The following CDH9 variants were observed in gnomAD, a reference collection of about 807,000 sequenced individuals.
The protein encoded by CDH9 is cadherin-9.
CDH9 carries 28 observed loss-of-function variants against 70.9 expected under a neutral mutation model. The ratio of observed to expected loss-of-function variants is 0.40; its 90% CI spans 0.29 to 0.54. The LOEUF is 0.54. Ranked by LOEUF, CDH9 falls within the 20% of genes least tolerant of loss-of-function variation. CDH9 has a pLI of 0.59. For synonymous variants in CDH9, 409 were observed against 343.1 expected (o/e 1.19, Z -2.12); for missense variants, 874 against 984.4 (o/e 0.89, Z 1.50).
chr5:27,015,451 G>T (rs1053996526), intron 1 of CDH9, among the ~76,000 whole-genome samples: 2 of 151,532 alleles, frequency 1.3e-5, no homozygotes, highest in Non-Finnish European at 3.0e-5. Flanking sequence ...CAAAATACGG[G>T]CAGTTTACTT....
chr5:26,934,822 TA>T (rs33942784), intron 2 of CDH9, among the ~76,000 whole-genome samples: 3,692 of 152,078 alleles, frequency 0.024, 140 homozygotes, highest in African/African-American at 0.086. Context: ...ATCCAACATT[TA>T]AGAAAGAATT....
intron 2 of CDH9, among the ~76,000 whole-genome samples, chr5:26,954,388 C>CTTTTTTTTTTTTTT (rs59882843): frequency 0.023 from 2,146 of 92,744 alleles, 92 homozygotes; most frequent in East Asian, 0.057. Flanking sequence ...TACAGCCTTT[C>CTTTTTTTTTTTTTT]TTTTTTTTTT....
At chr5:26,916,226 A>C (rs1201077771) in intron 2 of CDH9, among the ~76,000 whole-genome samples, 2 of 152,066 alleles carry the variant, frequency 1.3e-5, no homozygotes, top group Admixed American at 1.3e-4. Context: ...CCTCCAGTGC[A>C]TTACAAAAAA....
chr5:26,928,036 T>C (rs1257824613), intron 2 of CDH9, among the ~76,000 whole-genome samples: 1 of 152,080 alleles, frequency 6.6e-6, no homozygotes, highest in Non-Finnish European at 1.5e-5. Flanking sequence ...TTTTTCACTT[T>C]CTGTAACTTA....
chr5:26,889,661 T>A (rs73748527), intron 9 of CDH9, among the ~76,000 whole-genome samples, 175 bp downstream of exon 9: 1,769 of 139,528 alleles, frequency 0.013, 31 homozygotes, highest in African/African-American at 0.042. Flanking sequence ...TATAAAAACA[T>A]TTTTAAATCA....
chr5:26,883,076 T>A (rs866625911), intron 11 of CDH9, among the ~76,000 whole-genome samples: 2 of 128,384 alleles, frequency 1.6e-5, no homozygotes, highest in Non-Finnish European at 1.7e-5. Flanking sequence ...TATATATATA[T>A]ATATATATAT....
intron 2 of CDH9, among the ~76,000 whole-genome samples, chr5:26,918,353 C>G (rs1265646558): frequency 6.6e-6 from 1 of 152,174 alleles, no homozygotes; most frequent in Non-Finnish European, 1.5e-5. Flanking sequence ...TCTTGACTTA[C>G]ATAGCACACT....
intron 1 of CDH9, among the ~76,000 whole-genome samples, chr5:27,011,763 T>C (rs1257663528): frequency 2.0e-5 from 3 of 152,066 alleles, no homozygotes; most frequent in East Asian, 3.9e-4. Flanking sequence ...TTAATATGAA[T>C]AGTTTTTAAG....
At chr5:26,973,267 C>G (rs1340444843) in intron 2 of CDH9, among the ~76,000 whole-genome samples, 1 of 151,952 alleles carries the variant, frequency 6.6e-6, no homozygotes, top group Admixed American at 6.6e-5. Flanking sequence ...TGAATGTGCT[C>G]TCTATACCAG....
chr5:26,895,158 G>A (rs1290349624), intron 7 of CDH9, among the ~76,000 whole-genome samples: 1 of 151,848 alleles, frequency 6.6e-6, no homozygotes, highest in African/African-American at 2.4e-5. Context: ...ATTTAGGTAG[G>A]ACATAATTTG....
intron 1 of CDH9, among the ~76,000 whole-genome samples, chr5:27,011,474 G>C (rs1742953123): frequency 6.6e-6 from 1 of 152,110 alleles, no homozygotes; most frequent in South Asian, 2.1e-4. Flanking sequence ...CCGGAAGCTA[G>C]AAAAGACAAA....
chr5:27,005,320 TGAC>T (rs1416426595), intron 1 of CDH9, among the ~76,000 whole-genome samples: 1 of 151,972 alleles, frequency 6.6e-6, no homozygotes, highest in Non-Finnish European at 1.5e-5. Context: ...AAAGATTTCA[TGAC>T]AAGGGCACCA....
intron 1 of CDH9, among the ~76,000 whole-genome samples, chr5:27,020,554 T>A (rs1414363223): frequency 1.3e-5 from 2 of 151,696 alleles, no homozygotes; most frequent in Non-Finnish European, 3.0e-5. Context: ...TATTATAAGG[T>A]AAGATATATG....
intron 3 of CDH9, among the ~76,000 whole-genome samples, chr5:26,909,197 G>C (rs1265858578): frequency 6.6e-6 from 1 of 152,010 alleles, no homozygotes; most frequent in Non-Finnish European, 1.5e-5. Flanking sequence ...TGTTAGCCAG[G>C]ATGGTCTCGA....
At chr5:26,999,168 C>T (rs1426357575) in intron 1 of CDH9, among the ~76,000 whole-genome samples, 2 of 151,906 alleles carry the variant, frequency 1.3e-5, no homozygotes, top group Non-Finnish European at 2.9e-5. Flanking sequence ...TCACTTGAAC[C>T]CAAGAGGCAG....
Position 26,939,783 on chromosome 5 carries a change from G to T in CDH9, c.229-23859C>A, listed in dbSNP as rs529694043. Among the ~76,000 whole-genome samples, 249 of 152,180 alleles carry T rather than the reference G, an allele frequency of 1.6e-3. 2 individuals carry two copies. The highest frequency in any genetic ancestry group is 1.6e-3 in the Non-Finnish European group (107 of 68,014). ...AATAAGAACAATAATATACCATAGA[G>T]AATTGTTTAGGCATGCATGCATGGC... On this transcript the variant is annotated intron_variant, in intron 2 of 11. Transcript: ENST00000231021.
intron 1 of CDH9, among the ~76,000 whole-genome samples, chr5:27,010,367 A>G (rs1290959158): frequency 6.6e-6 from 1 of 152,100 alleles, no homozygotes; most frequent in Non-Finnish European, 1.5e-5. Context: ...ACAAAGGTGT[A>G]TCCTTATTTC....
intron 1 of CDH9, among the ~76,000 whole-genome samples, chr5:27,019,893 T>C (rs1345465173): frequency 6.6e-6 from 1 of 151,816 alleles, no homozygotes; most frequent in African/African-American, 2.4e-5. Context: ...GAATTTGAAG[T>C]TTTTCATATT....
chr5:27,022,292 T>C (rs954021363), intron 1 of CDH9, among the ~76,000 whole-genome samples: 15 of 152,048 alleles, frequency 9.9e-5, no homozygotes, highest in African/African-American at 2.2e-4. Context: ...TAAAGGATCA[T>C]TGGACCTTAG....
Sources: allele counts gnomAD v4.1 joint callset (sites outside exome capture counted in the v4.1 genomes callset), GRCh38; gene constraint gnomAD v4.1.1; transcripts MANE v1.5; gene names NCBI Gene and HGNC (gene_info 2026-07-23, HGNC 2026-07-21).